The following IL19 variants were observed in gnomAD, a reference collection of about 807,000 sequenced individuals.
IL19 encodes interleukin-19.
Under a neutral mutation model 19.5 loss-of-function variants are expected in IL19, and 15 were observed. The observed-to-expected ratio is 0.77, with a 90% CI of 0.52 to 1.19. The LOEUF (loss-of-function observed/expected upper bound fraction) is 1.19. Among genes scored for constraint, IL19 ranks in the 50% most tolerant of loss-of-function variants. The pLI, the probability that IL19 is intolerant of heterozygous loss-of-function variation, is 0.00. For missense variants in IL19, 199 were observed against 213.1 expected, an observed-to-expected ratio of 0.93 and a Z score of 0.41; for synonymous variants, 78 against 78.3, an observed-to-expected ratio of 1.00 and a Z score of 0.02.
intron 2 of IL19, among the ~76,000 whole-genome samples, chr1:206,824,899 C>A (rs1323789662): frequency 1.3e-5 from 2 of 152,134 alleles, no homozygotes; most frequent in Non-Finnish European, 2.9e-5. Flanking sequence ...GGATTACAGG[C>A]GCCCATCACC....
Position 206,781,898 on chromosome 1 carries a change from T to TC in IL19, c.-149+10820_-149+10821insC, listed in dbSNP as rs1558606301. Among the ~76,000 whole-genome samples, 14 of 126,832 alleles carry TC rather than the reference T, an allele frequency of 1.1e-4. 1 individual carries two copies. The highest frequency in any genetic ancestry group is 3.9e-4 in the African/African-American group (12 of 30,414). The allele number at this position is 126,832 out of a possible 152,430, so 83.2% of individuals were successfully genotyped here. ...ATATACATATATATGTATATAGTTA[T>TC]ATATACATATATATGTATATAGTTA... On this transcript the variant is annotated intron_variant, in intron 1 of 6. Coordinates refer to ENST00000659997, the MANE Select transcript of IL19 (RefSeq NM_153758.5).
intron 2 of IL19, among the ~76,000 whole-genome samples, chr1:206,822,756 C>T (rs977130020): frequency 2.0e-4 from 30 of 152,144 alleles, no homozygotes; most frequent in African/African-American, 6.8e-4. Flanking sequence ...AATATGCTGT[C>T]CACTTTGGTG....
intron 2 of IL19, among the ~76,000 whole-genome samples, chr1:206,826,059 G>T (rs944150071): frequency 3.9e-5 from 6 of 152,142 alleles, no homozygotes; most frequent in Admixed American, 3.9e-4. Flanking sequence ...CTTCAAGTCT[G>T]ATAGGAGAGA....
chr1:206,830,641 C>T lies in IL19; in HGVS notation c.-2-6020C>T, dbSNP rs548895718. Among the ~76,000 whole-genome samples the T allele has an allele frequency of 1.8e-4, 27 of 152,042 alleles. 3 individuals are homozygous for T. The highest frequency in any genetic ancestry group is 5.1e-4 in the African/African-American group (21 of 41,484). On this transcript the variant is annotated intron_variant, in intron 2 of 6. Coordinates refer to ENST00000659997, the MANE Select transcript of IL19 (RefSeq NM_153758.5). Reference sequence around the variant, plus strand: ...TTGCCCAGGCTGGAGTGCAGTGGTGCGGTCTCGGCTCACTGCAAGCTCTGC... The same window carrying T: ...TTGCCCAGGCTGGAGTGCAGTGGTGTGGTCTCGGCTCACTGCAAGCTCTGC...
intron 1 of IL19, among the ~76,000 whole-genome samples, chr1:206,795,060 C>T (rs1023645602): frequency 7.2e-5 from 11 of 152,144 alleles, no homozygotes; most frequent in African/African-American, 2.7e-4. Context: ...TGCTCTGGCC[C>T]AGGTGTCTTT....
chr1:206,806,363 A>G (rs765927544), intron 2 of IL19, among the ~76,000 whole-genome samples: 17 of 152,222 alleles, frequency 1.1e-4, no homozygotes, highest in Non-Finnish European at 2.4e-4. Flanking sequence ...GAAAAGAGCT[A>G]CTACTCTGAA....
chr1:206,771,079 G>A lies in IL19; in HGVS notation c.-149+1G>A. 1 of 1,613,948 alleles carries A rather than the reference G, an allele frequency of 6.2e-7. No homozygotes were observed. On this transcript the variant is annotated splice_donor_variant, in intron 1 of 6. Coordinates refer to ENST00000659997, the MANE Select transcript of IL19 (RefSeq NM_153758.5). LOFTEE classifies it low-confidence loss of function (5UTR_SPLICE). ...GTAACCCTAAGGGCAGGAGCCAAAG[G>A]TGAGTGAGAGATTGGCGGAGGTGGC...
At chr1:206,839,031 G>A (rs915175776) in intron 4 of IL19, among the ~76,000 whole-genome samples, 1 of 152,172 alleles carries the variant, frequency 6.6e-6, no homozygotes, top group African/African-American at 2.4e-5. Context: ...CTGTCCCACC[G>A]TTAACCACTC....
At chr1:206,793,968 C>G (rs1675463454) in intron 1 of IL19, among the ~76,000 whole-genome samples, 1 of 152,082 alleles carries the variant, frequency 6.6e-6, no homozygotes, top group Non-Finnish European at 1.5e-5. Flanking sequence ...AGCGTTACAG[C>G]ACCTGAGTCA....
At chr1:206,798,351 G>A (rs11805136) in intron 1 of IL19, among the ~76,000 whole-genome samples, 7,756 of 152,156 alleles carry the variant, frequency 0.051, 672 homozygotes, top group African/African-American at 0.18. Context: ...AAGGGAAGTG[G>A]TGCTGTTGTG....
intron 1 of IL19, chr1:206,772,163 T>G: frequency 1.1e-6 from 1 of 938,970 alleles, no homozygotes; most frequent in Non-Finnish European, 1.7e-6. Context: ...GGAATAGGTG[T>G]TGGGGATGGA....
At chr1:206,841,136 C>G (rs1375209902) in intron 6 of IL19, 58 bp downstream of exon 6, 2 of 1,366,476 alleles carry the variant, frequency 1.5e-6, no homozygotes, top group Non-Finnish European at 2.1e-6. Context: ...CAGGAGGGTG[C>G]CAGGCCTTCA....
Position 206,841,088 on chromosome 1 carries a change from G to A in IL19, c.438+10G>A, listed in dbSNP as rs768725548. 5.6e-6 allele frequency: 9 copies of A among 1,611,944 alleles called. No homozygotes were observed. The highest frequency in any genetic ancestry group is 7.6e-6 in the Non-Finnish European group (9 of 1,178,082). ...TGACAACTATGATCAGGTAAGATCT[G>A]GGAAGAGGTTGGGGAAGATGGAAGA... On this transcript the variant is annotated intron_variant, in intron 6 of 6. Coordinates refer to ENST00000659997, the MANE Select transcript of IL19 (RefSeq NM_153758.5).
chr1:206,800,804 C>T (rs903984161), intron 2 of IL19, among the ~76,000 whole-genome samples: 21 of 152,262 alleles, frequency 1.4e-4, no homozygotes, highest in African/African-American at 4.1e-4. Context: ...CCCTCCTGGC[C>T]GTGTGTGTTA....
intron 1 of IL19, among the ~76,000 whole-genome samples, chr1:206,788,057 A>G (rs1388928965): frequency 2.0e-5 from 3 of 152,098 alleles, no homozygotes; most frequent in Non-Finnish European, 2.9e-5. Flanking sequence ...TCCTTGTGAC[A>G]TGGTTGGGGA....
At chr1:206,805,186 A>G (rs563724916) in intron 2 of IL19, among the ~76,000 whole-genome samples, 1 of 152,292 alleles carries the variant, frequency 6.6e-6, no homozygotes, top group Non-Finnish European at 1.5e-5. Flanking sequence ...TACCTTCTCA[A>G]TGGGACTTTG....
At chr1:206,836,901 C>A (rs1490022202) in intron 3 of IL19, 57 bp from the exon 4 acceptor site, 2 of 1,601,478 alleles carry the variant, frequency 1.2e-6, no homozygotes, top group African/African-American at 2.7e-5. Context: ...CCTTTTGCAT[C>A]TCAGAAGAAC....
chr1:206,796,556 A>G (rs1675527467), intron 1 of IL19, among the ~76,000 whole-genome samples: 1 of 152,200 alleles, frequency 6.6e-6, no homozygotes, highest in Admixed American at 6.5e-5. Flanking sequence ...GTGGTCTCAT[A>G]AGATTATGAT....
At chr1:206,833,076 G>A (rs946829346) in intron 2 of IL19, among the ~76,000 whole-genome samples, 1 of 152,212 alleles carries the variant, frequency 6.6e-6, no homozygotes, top group African/African-American at 2.4e-5. Flanking sequence ...TTTATTCTGG[G>A]AGTCTGTGTT....
Sources: gnomAD v4.1 joint callset for allele counts (sites outside exome capture counted in the v4.1 genomes callset) on GRCh38, gnomAD v4.1.1 for gene constraint, MANE v1.5 for transcripts, NCBI Gene and HGNC (gene_info 2026-07-23, HGNC 2026-07-21) for gene names.